Variants in RANBP9 observed in about 807,000 individuals in gnomAD.
The protein encoded by RANBP9 is RAN binding protein 9.
Under a neutral mutation model 84.3 loss-of-function variants are expected in RANBP9, and 15 were observed. That is an observed-to-expected ratio of 0.18 (90% CI 0.12 to 0.27). The LOEUF (loss-of-function observed/expected upper bound fraction) is 0.27. RANBP9 is among the 10% of genes least tolerant of loss of function. RANBP9 has a pLI of 1.00. For missense variants in RANBP9, 809 were observed against 912.8 expected, an observed-to-expected ratio of 0.89 and a Z score of 1.46; for synonymous variants, 392 against 349.6, an observed-to-expected ratio of 1.12 and a Z score of -1.35.
chr6:13,631,557 G>T (rs1306451064), intron 12 of RANBP9, among the ~76,000 whole-genome samples: 1 of 152,152 alleles, frequency 6.6e-6, no homozygotes. Context: ...TTCAGTCCAG[G>T]TCAGGAAGAA....
intron 2 of RANBP9, among the ~76,000 whole-genome samples, chr6:13,682,616 C>T (rs1225337109): frequency 6.6e-6 from 1 of 152,008 alleles, no homozygotes; most frequent in Non-Finnish European, 1.5e-5. Flanking sequence ...CCAGGCCCAG[C>T]TAATTTTTGT....
intron 2 of RANBP9, among the ~76,000 whole-genome samples, chr6:13,671,348 T>TTCTTCATAACAGCAATA: frequency 6.6e-6 from 1 of 152,176 alleles, no homozygotes; most frequent in Non-Finnish European, 1.5e-5. Flanking sequence ...TGTTACACAA[T>TTCTTCATAACAGCAATA]TCTTCATAAC....
chr6:13,636,489 T>C (rs1012264216), intron 10 of RANBP9, among the ~76,000 whole-genome samples: 1 of 152,164 alleles, frequency 6.6e-6, no homozygotes, highest in Non-Finnish European at 1.5e-5. Context: ...CAGGTAATAA[T>C]AGATCTGTTT....
intron 12 of RANBP9, among the ~76,000 whole-genome samples, chr6:13,629,997 G>A (rs1228407707): frequency 1.3e-5 from 2 of 150,346 alleles, no homozygotes; most frequent in African/African-American, 2.4e-5. Context: ...ACCTAAAAAC[G>A]ATGCTACAAT....
rs1407377162 is a variant in RANBP9, at chr6:13,684,628, C to T, written c.683+12157G>A. Among the ~76,000 whole-genome samples the T allele has an allele frequency of 2.6e-5, 4 of 152,320 alleles. No individual in the cohort carries two copies. The East Asian group carries it at 5.8e-4, about 22-fold the overall frequency. On this transcript the variant is annotated intron_variant, in intron 2 of 13. Transcript: ENST00000011619. Reference sequence around the variant, plus strand: ...ATCTCACAGTTCCTCAATACCTTCACTTCTCTGATCAATGAACATTTACTA... The same window carrying T: ...ATCTCACAGTTCCTCAATACCTTCATTTCTCTGATCAATGAACATTTACTA...
At chr6:13,626,182 C>T (rs1471158666) in intron 12 of RANBP9, among the ~76,000 whole-genome samples, 1 of 152,158 alleles carries the variant, frequency 6.6e-6, no homozygotes, top group Non-Finnish European at 1.5e-5. Flanking sequence ...AGGAACTGGA[C>T]ACATCTCACT....
intron 1 of RANBP9, among the ~76,000 whole-genome samples, chr6:13,707,458 T>C (rs1357298197): frequency 6.6e-6 from 1 of 152,138 alleles, no homozygotes; most frequent in Non-Finnish European, 1.5e-5. Flanking sequence ...TCCCCCAGAG[T>C]AAGTATTTTC....
chr6:13,626,019 G>GA (rs538890234), intron 12 of RANBP9, among the ~76,000 whole-genome samples: 24 of 151,462 alleles, frequency 1.6e-4, no homozygotes, highest in Non-Finnish European at 3.1e-4. Flanking sequence ...CACAAAACAG[G>GA]AAAAAAAAAT....
At chr6:13,672,172 G>C (rs1204900965) in intron 2 of RANBP9, among the ~76,000 whole-genome samples, 1 of 152,038 alleles carries the variant, frequency 6.6e-6, no homozygotes, top group Non-Finnish European at 1.5e-5. Flanking sequence ...ATTTTGAGTA[G>C]GGAAAAGGGA....
In RANBP9 at chr6:13,624,683, C is replaced by T. The variant is rs75526845; in HGVS notation, c.2059+970G>A. Among the ~76,000 whole-genome samples the T allele has an allele frequency of 6.9e-3, 1,048 of 152,314 alleles. 7 individuals are homozygous for T. Among genetic ancestry groups the T allele is most frequent in the African/African-American group, 0.023 (968 of 41,576 alleles). On this transcript the variant is annotated intron_variant, in intron 13 of 13. Coordinates refer to ENST00000011619, the MANE Select transcript of RANBP9 (RefSeq NM_005493.3). ...CTATAATCACAAACGCTACAGTGAG[C>T]TGCTCATAGGAATGGCAACCAAACG...
At chr6:13,649,515 C>G (rs1446401843) in intron 5 of RANBP9, among the ~76,000 whole-genome samples, 1 of 147,486 alleles carries the variant, frequency 6.8e-6, no homozygotes, top group Non-Finnish European at 1.5e-5. Flanking sequence ...CCAAATGAAA[C>G]TTACAGCATT....
chr6:13,623,529 T>C (rs74455998), intron 13 of RANBP9, among the ~76,000 whole-genome samples: 7 of 152,066 alleles, frequency 4.6e-5, no homozygotes, highest in Admixed American at 1.3e-4. Flanking sequence ...AAAGGGCACA[T>C]AGATTGATGA....
chr6:13,680,592 A>AAATAAG (rs1766011339), intron 2 of RANBP9, among the ~76,000 whole-genome samples: 1 of 151,936 alleles, frequency 6.6e-6, no homozygotes, highest in Admixed American at 6.6e-5. Flanking sequence ...ATAAAAATAA[A>AAATAAG]AATAAAAAAT....
At chr6:13,698,798 A>C (rs1757901324) in intron 1 of RANBP9, among the ~76,000 whole-genome samples, 1 of 152,188 alleles carries the variant, frequency 6.6e-6, no homozygotes, top group South Asian at 2.1e-4. Context: ...AAACTCGCCC[A>C]AAGTCATACT....
chr6:13,658,672 A>G (rs1179721337), intron 3 of RANBP9, 108 bp downstream of exon 3: 2 of 971,530 alleles, frequency 2.1e-6, no homozygotes, highest in South Asian at 1.5e-5. Flanking sequence ...ATGATGATTA[A>G]AAACACAGAA....
chr6:13,624,475 C>T (rs942985145), intron 13 of RANBP9, among the ~76,000 whole-genome samples: 12 of 152,278 alleles, frequency 7.9e-5, no homozygotes, highest in Non-Finnish European at 1.2e-4. Flanking sequence ...GTCCCAATTA[C>T]CTGGGAATTA....
At chr6:13,687,061 T>A (rs923425270) in intron 2 of RANBP9, among the ~76,000 whole-genome samples, 1 of 152,138 alleles carries the variant, frequency 6.6e-6, no homozygotes, top group African/African-American at 2.4e-5. Flanking sequence ...ATGAAAAGAA[T>A]CTCAGACGAA....
At chr6:13,654,357 C>T (rs1056956813) in intron 4 of RANBP9, among the ~76,000 whole-genome samples, 1 of 152,122 alleles carries the variant, frequency 6.6e-6, no homozygotes, top group Non-Finnish European at 1.5e-5. Context: ...TTCAATAAAA[C>T]AAAGTAAAAA....
At chr6:13,692,471 G>A (rs1035035272) in intron 2 of RANBP9, among the ~76,000 whole-genome samples, 26 of 128,834 alleles carry the variant, frequency 2.0e-4, no homozygotes, top group African/African-American at 7.6e-4. Context: ...AGGTTACAGT[G>A]AGCTGAAATC....
Sources: allele counts gnomAD v4.1 joint callset (sites outside exome capture counted in the v4.1 genomes callset), GRCh38; gene constraint gnomAD v4.1.1; transcripts MANE v1.5; gene names NCBI Gene and HGNC (gene_info 2026-07-23, HGNC 2026-07-21).